The following CDH2 variants were observed in gnomAD, a reference collection of about 807,000 sequenced individuals.
The protein encoded by CDH2 is cadherin-2.
A neutral mutation model predicts 92.0 loss-of-function variants in CDH2; 17 were observed. The ratio of observed to expected loss-of-function variants is 0.18; its 90% confidence interval spans 0.13 to 0.28. The LOEUF is 0.28. Ranked by LOEUF, CDH2 falls within the 10% of genes least tolerant of loss-of-function variation. The pLI is 1.00. For synonymous variants in CDH2, 419 were observed against 415.9 expected, an observed-to-expected ratio of 1.01 and a Z score of -0.09; for missense variants, 862 against 1,133.1, an observed-to-expected ratio of 0.76 and a Z score of 3.44.
At chr18:28,001,329 TC>T (rs890444682) in intron 7 of CDH2, among the ~76,000 whole-genome samples, 1 of 152,162 alleles carries the variant, frequency 6.6e-6, no homozygotes, top group African/African-American at 2.4e-5. Context: ...CCATAAAACA[TC>T]CAGTCTAAAT....
intron 1 of CDH2, among the ~76,000 whole-genome samples, chr18:28,159,929 T>C (rs575702990): frequency 2.0e-4 from 30 of 152,336 alleles, no homozygotes; most frequent in African/African-American, 6.7e-4. Context: ...AGTGCTGGGA[T>C]TACAGGCGTG....
At position 27,951,825 on chromosome 18, in the gene CDH2, T is replaced by TTTGTC. The variant is rs1306172208; in HGVS notation, c.*323_*327dup. 2 of 234,140 alleles carry TTTGTC rather than the reference T, an allele frequency of 8.5e-6. No homozygotes were observed. The highest frequency in any genetic ancestry group is 5.0e-5 in the Admixed American group (1 of 19,872). The allele number at this position is 234,140 out of a possible 1,614,324, so 14.5% of individuals were successfully genotyped here. On this transcript the variant is annotated 3_prime_UTR_variant, in exon 16 of 16. Transcript: ENST00000269141. ...ACTTACTGCTCCCACCACAAAATAT[T>TTTGTC]TTGTCTTTTACTTATCGTTTCAGAA...
At chr18:28,103,688 T>A (rs2015274438) in intron 2 of CDH2, among the ~76,000 whole-genome samples, 1 of 151,712 alleles carries the variant, frequency 6.6e-6, no homozygotes, top group Non-Finnish European at 1.5e-5. Context: ...TGTGTGATGT[T>A]CCCCTCCCTG....
chr18:27,999,841 C>T (rs986143715), intron 7 of CDH2, among the ~76,000 whole-genome samples: 14 of 151,922 alleles, frequency 9.2e-5, no homozygotes, highest in African/African-American at 3.4e-4. Context: ...AAGGGCGGAA[C>T]CGGGTGGAGG....
At position 28,176,963 on chromosome 18, in the gene CDH2, C is replaced by T. The variant is rs1332308156; in HGVS notation, c.60G>A (p.Gln20=). The change falls in exon 1 of 16, where the codon CAG becomes CAA. Residue 20 remains glutamine (Q), a splice_region_variant and synonymous_variant. Transcript: ENST00000269141. ...CCGGCCCGCGGGGACCGCCGCGTAC[C>T]TGAAGCAGGGCCGCCAGCAGCGGCA... ...TLLPLLAALL[Q]ASVEASGEIA... 1 of 1,402,032 alleles carries T rather than the reference C, an allele frequency of 7.1e-7. No individual in the cohort carries two copies. Among genetic ancestry groups the T allele is most frequent in the African/African-American group, 1.5e-5 (1 of 66,996 alleles). The allele number at this position is 1,402,032 out of a possible 1,614,324, so 86.8% of individuals were successfully genotyped here.
chr18:28,011,300 A>T (rs1306376561), intron 4 of CDH2, among the ~76,000 whole-genome samples: 1 of 149,950 alleles, frequency 6.7e-6, no homozygotes, highest in Non-Finnish European at 1.5e-5. Context: ...TAAATAACTA[A>T]AAAAAAAAAA....
intron 6 of CDH2, among the ~76,000 whole-genome samples, chr18:27,937,947 A>G (rs765906403): frequency 3.9e-5 from 6 of 152,162 alleles, no homozygotes; most frequent in Non-Finnish European, 8.8e-5. Flanking sequence ...ATGTGTCTCC[A>G]TACAAATATA....
At chr18:27,953,975 G>A (rs1310510511) in intron 15 of CDH2, among the ~76,000 whole-genome samples, 6 of 152,224 alleles carry the variant, frequency 3.9e-5, no homozygotes, top group Middle Eastern at 3.4e-3. Flanking sequence ...CTTGACTCAC[G>A]TCAAAAATCA....
chr18:28,088,725 G>C (rs1378528907), intron 2 of CDH2, among the ~76,000 whole-genome samples: 1 of 152,162 alleles, frequency 6.6e-6, no homozygotes, highest in Non-Finnish European at 1.5e-5. Context: ...GGGCGGGCAT[G>C]TTCCCTGACA....
At chr18:28,123,210 C>T (rs2015621187) in intron 2 of CDH2, among the ~76,000 whole-genome samples, 1 of 152,062 alleles carries the variant, frequency 6.6e-6, no homozygotes, top group Non-Finnish European at 1.5e-5. Context: ...CTAAGCATAA[C>T]AATTCAGAAA....
chr18:28,088,029 G>A (rs971340504), intron 2 of CDH2, among the ~76,000 whole-genome samples: 7 of 152,098 alleles, frequency 4.6e-5, no homozygotes, highest in African/African-American at 1.7e-4. Flanking sequence ...TTTGTCAAAT[G>A]GAAAGATGAC....
chr18:28,012,078 T>C (rs967862886), intron 3 of CDH2, 86 bp from the exon 4 acceptor site: 11 of 1,127,014 alleles, frequency 9.8e-6, no homozygotes, highest in African/African-American at 6.3e-5. Flanking sequence ...CCTGAAAGCA[T>C]AGGAATCACA....
chr18:28,022,609 G>A (rs1458711156), intron 2 of CDH2, among the ~76,000 whole-genome samples: 1 of 152,026 alleles, frequency 6.6e-6, no homozygotes, highest in Non-Finnish European at 1.5e-5. Context: ...AGCCATGAGG[G>A]CTAAATTTAT....
intron 3 of CDH2, among the ~76,000 whole-genome samples, chr18:28,013,353 G>A (rs533564857): frequency 6.6e-6 from 1 of 152,226 alleles, no homozygotes; most frequent in South Asian, 2.1e-4. Context: ...TCTGACTGAT[G>A]ACATCTTGTA....
chr18:28,145,376 A>G (rs2016019475), intron 2 of CDH2, among the ~76,000 whole-genome samples: 1 of 152,088 alleles, frequency 6.6e-6, no homozygotes, highest in African/African-American at 2.4e-5. Context: ...TTCCTTAAAC[A>G]CTATAGGCGA....
At chr18:27,965,505 CAAAGGCATCAGAATGCTGCTT>C (rs1182567604) in intron 14 of CDH2, among the ~76,000 whole-genome samples, 1 of 152,194 alleles carries the variant, frequency 6.6e-6, no homozygotes, top group Non-Finnish European at 1.5e-5. Flanking sequence ...ACAGCAGGAG[CAAAGGCATCAGAATGCTGCTT>C]TCTCTTGTCA....
chr18:28,173,312 G>A (rs910703996), intron 1 of CDH2, among the ~76,000 whole-genome samples: 2 of 151,990 alleles, frequency 1.3e-5, no homozygotes, highest in Non-Finnish European at 1.5e-5. Flanking sequence ...AGTAATGACC[G>A]CATGCCTCAA....
intron 14 of CDH2, 130 bp from the exon 15 acceptor site, chr18:27,963,651 CTA>C: frequency 4.3e-6 from 3 of 704,898 alleles, no homozygotes; most frequent in Non-Finnish European, 7.0e-6. Context: ...AAAGTTGCCA[CTA>C]TGAGTTTTTC....
At chr18:28,024,533 G>A (rs1031704167) in intron 2 of CDH2, among the ~76,000 whole-genome samples, 2 of 150,680 alleles carry the variant, frequency 1.3e-5, no homozygotes, top group African/African-American at 4.9e-5. Context: ...CGAATAAAAA[G>A]CTTCAAAATT....
Sources: allele counts gnomAD v4.1 joint callset (sites outside exome capture counted in the v4.1 genomes callset), GRCh38; gene constraint gnomAD v4.1.1; transcripts MANE v1.5; gene names NCBI Gene and HGNC (gene_info 2026-07-23, HGNC 2026-07-21).